The following PTGFRN variants were observed in gnomAD, a reference collection of about 807,000 sequenced individuals.
PTGFRN encodes the protein prostaglandin F2 receptor inhibitor.
Under a neutral mutation model 83.2 loss-of-function variants are expected in PTGFRN, and 35 were observed. That is an observed-to-expected ratio of 0.42 (90% confidence interval 0.32 to 0.56). PTGFRN has a LOEUF of 0.56. PTGFRN is among the 20% of genes least tolerant of loss of function. The pLI is 0.11. For synonymous variants in PTGFRN, 519 were observed against 498.6 expected (o/e 1.04, Z -0.55); for missense variants, 1,051 against 1,179.5 (o/e 0.89, Z 1.60).
rs759573992 is a variant in PTGFRN at position 116,923,306 on chromosome 1, C to T, written c.49+13054C>T. Among the ~76,000 whole-genome samples, 8 of 152,166 alleles carry T rather than the reference C, an allele frequency of 5.3e-5. No homozygotes were observed. The highest frequency in any genetic ancestry group is 8.8e-5 in the Non-Finnish European group (6 of 67,990). ...CAGGGGCAGAAGATATCTATGTGTC[C>T]TTTTTACTATCTTTCTTATGTGTGC... On this transcript the variant is annotated intron_variant, in intron 1 of 8. Coordinates refer to ENST00000393203, the MANE Select transcript of PTGFRN (RefSeq NM_020440.4). This position sits in a 1 kb window ranked among gnomAD's most constrained non-coding sequence, Gnocchi z 4.0.
chr1:116,984,805 G>C lies in PTGFRN; in HGVS notation c.2293G>C (p.Asp765His). 6.2e-7 allele frequency: 1 copy of C among 1,614,166 alleles called. No homozygotes were observed. The highest frequency in any genetic ancestry group is 1.1e-5 in the South Asian group (1 of 91,074). Residue 765 changes from aspartate (D) to histidine (H), a missense_variant, in exon 8 of 9, where the codon GAC becomes CAC. By Grantham distance (81) the Asp-to-His change is moderately conservative. Coordinates refer to ENST00000393203, the MANE Select transcript of PTGFRN (RefSeq NM_020440.4). ...VTTSRRDWKS[D>H]LSLERVSVLE... ...CACCTCCCGGAGGGACTGGAAGAGCGACCTCAGCCTGGAGCGCGTGAGTGT... is the reference window on the plus strand; with the variant it reads ...CACCTCCCGGAGGGACTGGAAGAGCCACCTCAGCCTGGAGCGCGTGAGTGT...
rs1651414144 is a variant in PTGFRN at position 116,984,783 on chromosome 1, C to T, written c.2271C>T (p.Thr757=). Residue 757 remains threonine, a synonymous_variant, in exon 8 of 9, where the codon ACC becomes ACT. Coordinates refer to ENST00000393203, the MANE Select transcript of PTGFRN (RefSeq NM_020440.4). The part of the protein sequence containing the change: ...SSLDRKGIVT[T]SRRDWKSDLS... ...TGGATCGGAAGGGCATCGTGACCACCTCCCGGAGGGACTGGAAGAGCGACC... is the reference window on the plus strand; with the variant it reads ...TGGATCGGAAGGGCATCGTGACCACTTCCCGGAGGGACTGGAAGAGCGACC... The T allele has an allele frequency of 1.2e-6, 2 of 1,614,124 alleles. No individual in the cohort carries two copies. Among genetic ancestry groups the T allele is most frequent in the East Asian group, 2.2e-5 (1 of 44,866 alleles).
chr1:116,916,518 G>T (rs1218686807), intron 1 of PTGFRN, among the ~76,000 whole-genome samples: 1 of 152,102 alleles, frequency 6.6e-6, no homozygotes, highest in African/African-American at 2.4e-5. Context: ...CCAGCTTATG[G>T]GCCTCAGTAA....
chr1:116,968,363 CTATTAA>C (rs1456632047), intron 6 of PTGFRN, among the ~76,000 whole-genome samples: 1 of 151,846 alleles, frequency 6.6e-6, no homozygotes, highest in Non-Finnish European at 1.5e-5. Flanking sequence ...TAAAGTTTTT[CTATTAA>C]TATTATTTTC....
intron 4 of PTGFRN, among the ~76,000 whole-genome samples, chr1:116,951,882 A>G (rs1020507166): frequency 7.9e-5 from 12 of 152,200 alleles, no homozygotes; most frequent in Non-Finnish European, 1.6e-4. Context: ...ATGCGTACGG[A>G]TACCATACCA....
chr1:116,916,916 T>C (rs1157404782), intron 1 of PTGFRN, among the ~76,000 whole-genome samples: 2 of 151,940 alleles, frequency 1.3e-5, no homozygotes, highest in Admixed American at 1.3e-4. Flanking sequence ...AGTGGACGAT[T>C]GAGATGAGGG....
At chr1:116,964,019 A>G (rs1557745106) in intron 5 of PTGFRN, among the ~76,000 whole-genome samples, 1 of 151,684 alleles carries the variant, frequency 6.6e-6, no homozygotes, top group South Asian at 2.1e-4. Flanking sequence ...ACCTCAAACG[A>G]TCCTCCTGCC....
At chr1:116,935,857 C>T (rs1649908612) in intron 1 of PTGFRN, among the ~76,000 whole-genome samples, 1 of 151,982 alleles carries the variant, frequency 6.6e-6, no homozygotes, top group Admixed American at 6.6e-5. Flanking sequence ...ATTTTTGTGT[C>T]ATTGAACAAC....
chr1:116,973,421 A>G (rs1012053700), intron 6 of PTGFRN, among the ~76,000 whole-genome samples: 4 of 151,994 alleles, frequency 2.6e-5, no homozygotes, highest in African/African-American at 9.7e-5. Flanking sequence ...GCTGGCCAAC[A>G]TGGTGAAACC....
chr1:116,937,897 AAT>A (rs1649961613), intron 1 of PTGFRN, among the ~76,000 whole-genome samples: 2 of 152,126 alleles, frequency 1.3e-5, no homozygotes, highest in African/African-American at 2.4e-5. Flanking sequence ...TTCCTCATTT[AAT>A]CCTTACCACA....
rs1649229293 is a variant in PTGFRN at position 116,910,240 on chromosome 1, C to T, written c.37C>T (p.Leu13Phe). 8 of 1,455,050 alleles carry T rather than the reference C, an allele frequency of 5.5e-6. No homozygotes were observed. In the South Asian group the frequency reaches 1.1e-4, roughly 20 times the overall value. The allele number at this position is 1,455,050 out of a possible 1,614,324, so 90.1% of individuals were successfully genotyped here. Residue 13 changes from leucine (L) to phenylalanine (F), a missense_variant, in exon 1 of 9, where the codon CTC becomes TTC. Physicochemically the swap from Leu to Phe is conservative, Grantham distance 22. Transcript: ENST00000393203. The stretch of plus-strand genomic sequence containing the variant: ...GGCCTCGAGGCCGCTGCTGCTGGCG[C>T]TCCTGTCGTTGGGTGAGTGTGCGCG... ...RLASRPLLLALLSLALCRGRV... is the reference protein window; with the variant it reads ...RLASRPLLLAFLSLALCRGRV...
At chr1:116,985,120 T>G in intron 8 of PTGFRN, 135 bp downstream of exon 8, 1 of 923,048 alleles carries the variant, frequency 1.1e-6, no homozygotes, top group Non-Finnish European at 1.6e-6. Flanking sequence ...AGACCTGGCC[T>G]GAGCCTGCAC....
Position 116,967,624 on chromosome 1 carries a change from A to G in PTGFRN, c.2059+294A>G, listed in dbSNP as rs552963018. ...TCCCATTCTGCAGCAACCATGATCTACTTTCTGTCTCTATACATTTTGCCT... is the reference window on the plus strand; with the variant it reads ...TCCCATTCTGCAGCAACCATGATCTGCTTTCTGTCTCTATACATTTTGCCT... On this transcript the variant is annotated intron_variant, in intron 6 of 8. Transcript: ENST00000393203. Among the ~76,000 whole-genome samples, 9 of 152,256 alleles carry G rather than the reference A, an allele frequency of 5.9e-5. No individual in the cohort carries two copies. The East Asian group carries it at 1.7e-3, about 29-fold the overall frequency.
At position 116,910,110 on chromosome 1, in the gene PTGFRN, C is replaced by A; in HGVS notation, c.-94C>A. 7.3e-7 allele frequency: 1 copy of A among 1,370,076 alleles called. No homozygotes were observed. Among genetic ancestry groups the A allele is most frequent in the Non-Finnish European group, 9.9e-7 (1 of 1,006,598 alleles). The allele number at this position is 1,370,076 out of a possible 1,614,324, so 84.9% of individuals were successfully genotyped here. On this transcript the variant is annotated 5_prime_UTR_variant, in exon 1 of 9. Transcript: ENST00000393203. The stretch of plus-strand genomic sequence containing the variant: ...CAGGCGCGCGGCCCAGGCGGAGGAG[C>A]GCCGACTCTGGAGCAGCCGGAGCTG...
At position 116,974,228 on chromosome 1, in the gene PTGFRN, A is replaced by G; in HGVS notation, c.2072A>G (p.Asn691Ser). The G allele has an allele frequency of 6.2e-7, 1 of 1,606,476 alleles. No individual in the cohort carries two copies. Among genetic ancestry groups the G allele is most frequent in the Non-Finnish European group, 8.5e-7 (1 of 1,173,602 alleles). ...ACTTTTTTTCCAGGTCCTATATTTA[A>G]TGCTTCTGTGCATTCAGACACACCA... ...IDFQTSGPIF[N>S]ASVHSDTPSV... Residue 691 changes from asparagine to serine, a missense_variant, in exon 7 of 9, where the codon AAT becomes AGT. Transcript: ENST00000393203.
intron 1 of PTGFRN, among the ~76,000 whole-genome samples, chr1:116,930,367 C>T (rs1649763960): frequency 6.6e-6 from 1 of 152,120 alleles, no homozygotes. Flanking sequence ...TGTCCCATTC[C>T]CTCTTTTCTA....
At chr1:116,925,562 A>G (rs1253545156) in intron 1 of PTGFRN, among the ~76,000 whole-genome samples, 2 of 152,280 alleles carry the variant, frequency 1.3e-5, no homozygotes, top group Non-Finnish European at 2.9e-5. Context: ...GACTGGAGAG[A>G]AAGTCCTGAG....
chr1:116,955,431 T>A (rs1355334053), intron 4 of PTGFRN, among the ~76,000 whole-genome samples: 2 of 152,150 alleles, frequency 1.3e-5, no homozygotes, highest in African/African-American at 4.8e-5. Context: ...CTGATCTTAT[T>A]TTATCTCTCT....
At chr1:116,935,738 A>C (rs1350860823) in intron 1 of PTGFRN, among the ~76,000 whole-genome samples, 1 of 152,076 alleles carries the variant, frequency 6.6e-6, no homozygotes, top group Admixed American at 6.5e-5. Flanking sequence ...CTGCCCCGAG[A>C]GGTAAGAGAA....
Sources: allele counts gnomAD v4.1 joint callset (sites outside exome capture counted in the v4.1 genomes callset), GRCh38; gene constraint gnomAD v4.1.1; non-coding constraint Gnocchi (gnomAD v3.1); transcripts MANE v1.5; gene names NCBI Gene and HGNC (gene_info 2026-07-23, HGNC 2026-07-21).